The following LYPD6 variants were observed in gnomAD, a reference collection of about 807,000 sequenced individuals.
The protein encoded by LYPD6 is ly6/PLAUR domain-containing protein 6.
LYPD6 carries 15 observed loss-of-function variants against 22.7 expected under a neutral mutation model. The ratio of observed to expected loss-of-function variants is 0.66; its 90% CI spans 0.44 to 1.02. The LOEUF (loss-of-function observed/expected upper bound fraction) is 1.02, where lower values mean the gene tolerates loss of function less well. Among genes scored for constraint, LYPD6 ranks in the 50% least tolerant of loss-of-function variants. The probability of loss-of-function intolerance (pLI) is 0.00; values close to 1 mark genes in which losing one functional copy is unlikely to be tolerated. For missense variants in LYPD6, 189 were observed against 208.4 expected (o/e 0.91, Z 0.57); for synonymous variants, 72 against 77.5 (o/e 0.93, Z 0.37).
rs562399352 is a variant in LYPD6 at position 149,432,344 on chromosome 2, C to T, written c.-71-5294C>T. On this transcript the variant is annotated intron_variant, in intron 1 of 4. Transcript: ENST00000334166. ...CACAATAGCCAAAAAGTGAAAATCACCCAATGTCTATCATCTGATAATGGA... is the reference window on the plus strand; with the variant it reads ...CACAATAGCCAAAAAGTGAAAATCATCCAATGTCTATCATCTGATAATGGA... Among the ~76,000 whole-genome samples, 3 of 152,286 alleles carry T rather than the reference C, an allele frequency of 2.0e-5. No individual in the cohort carries two copies. The East Asian group carries it at 5.8e-4, about 29-fold the overall frequency.
intron 1 of LYPD6, among the ~76,000 whole-genome samples, chr2:149,435,729 A>C (rs1683416323): frequency 6.6e-6 from 1 of 152,214 alleles, no homozygotes; most frequent in Non-Finnish European, 1.5e-5. Context: ...TTATTAAGTG[A>C]TTGAGTGGCC....
intron 1 of LYPD6, among the ~76,000 whole-genome samples, chr2:149,436,639 GCA>G (rs1372062559): frequency 6.6e-6 from 1 of 152,122 alleles, no homozygotes; most frequent in Non-Finnish European, 1.5e-5. Flanking sequence ...GAGTGCAATG[GCA>G]CAAAGTCAGC....
At chr2:149,449,461 A>C (rs564047830) in intron 3 of LYPD6, among the ~76,000 whole-genome samples, 3 of 152,348 alleles carry the variant, frequency 2.0e-5, no homozygotes, top group Admixed American at 2.0e-4. Context: ...CTGAGGCATT[A>C]GTCAGTGCAT....
At chr2:149,438,415 C>T (rs1196648) in intron 2 of LYPD6, among the ~76,000 whole-genome samples, 131,707 of 152,272 alleles carry the variant, frequency 0.86, 57,009 homozygotes, top group East Asian at 1. Context: ...CTGCTGCAGA[C>T]ATTCTAAGGA....
intron 3 of LYPD6, among the ~76,000 whole-genome samples, chr2:149,462,641 A>G (rs1007029426): frequency 5.9e-5 from 9 of 151,978 alleles, no homozygotes; most frequent in Non-Finnish European, 1.0e-4. Flanking sequence ...AGTAGAAGGA[A>G]TCAAACTACC....
At chr2:149,410,880 G>A (rs1682835896) in intron 1 of LYPD6, among the ~76,000 whole-genome samples, 1 of 152,192 alleles carries the variant, frequency 6.6e-6, no homozygotes, top group Admixed American at 6.5e-5. Flanking sequence ...AGTTCCATCT[G>A]TGTTTTCTAT....
chr2:149,404,481 TTC>T (rs1296887266), intron 1 of LYPD6, among the ~76,000 whole-genome samples: 1 of 152,222 alleles, frequency 6.6e-6, no homozygotes, highest in East Asian at 1.9e-4. Context: ...AGGTATTGTA[TTC>T]TCTTTGAAGC....
At chr2:149,342,872 ATTC>A (rs1366004822) in intron 1 of LYPD6, among the ~76,000 whole-genome samples, 7 of 152,214 alleles carry the variant, frequency 4.6e-5, no homozygotes, top group Non-Finnish European at 1.0e-4. Flanking sequence ...CAATGTTGTT[ATTC>A]TTTGGTAAGG....
intron 1 of LYPD6, among the ~76,000 whole-genome samples, chr2:149,347,741 C>T (rs1482255709): frequency 6.6e-6 from 1 of 152,064 alleles, no homozygotes; most frequent in Non-Finnish European, 1.5e-5. Flanking sequence ...AGATTATGAG[C>T]TTAAGTTTAA....
intron 1 of LYPD6, among the ~76,000 whole-genome samples, chr2:149,434,286 G>A (rs542738681): frequency 2.0e-5 from 3 of 152,224 alleles, no homozygotes; most frequent in East Asian, 1.9e-4. Context: ...TTGAAGTGAT[G>A]CCACATAGTT....
intron 1 of LYPD6, among the ~76,000 whole-genome samples, chr2:149,430,414 T>C (rs931990396): frequency 6.6e-6 from 1 of 152,144 alleles, no homozygotes; most frequent in Non-Finnish European, 1.5e-5. Context: ...GACAAGTTTT[T>C]AAAGCAGGGC....
At chr2:149,374,808 A>G (rs1254263110) in intron 1 of LYPD6, among the ~76,000 whole-genome samples, 4 of 152,234 alleles carry the variant, frequency 2.6e-5, no homozygotes, top group African/African-American at 9.6e-5. Context: ...ATTTTACAGC[A>G]TAGTCATATT....
At chr2:149,452,000 C>T (rs76096143) in intron 3 of LYPD6, among the ~76,000 whole-genome samples, 223 of 152,298 alleles carry the variant, frequency 1.5e-3, no homozygotes, top group Admixed American at 3.2e-3. Flanking sequence ...CTACTGGGGA[C>T]TGAGGTAGCC....
At chr2:149,399,647 A>G (rs1407763145) in intron 1 of LYPD6, among the ~76,000 whole-genome samples, 1 of 151,258 alleles carries the variant, frequency 6.6e-6, no homozygotes, top group Non-Finnish European at 1.5e-5. Flanking sequence ...ATATAAAAAT[A>G]TAAAAATAAA....
At chr2:149,467,902 A>G (rs1362743251) in intron 3 of LYPD6, among the ~76,000 whole-genome samples, 1 of 152,096 alleles carries the variant, frequency 6.6e-6, no homozygotes. Flanking sequence ...AGAGATCTCA[A>G]GCTTTCAGAT....
intron 1 of LYPD6, among the ~76,000 whole-genome samples, chr2:149,416,872 A>G (rs1034221270): frequency 6.6e-6 from 1 of 152,214 alleles, no homozygotes. Flanking sequence ...GTGTTCTGTG[A>G]GGCCTGCTGC....
At chr2:149,341,253 CA>C (rs1438543777) in intron 1 of LYPD6, among the ~76,000 whole-genome samples, 3 of 152,086 alleles carry the variant, frequency 2.0e-5, no homozygotes, top group African/African-American at 7.2e-5. Flanking sequence ...TGTCCTTGGT[CA>C]GGGGTGTCCT....
At position 149,473,469 on chromosome 2, in the gene LYPD6, T is replaced by C. The variant is rs1202039269; in HGVS notation, c.*2619T>C. 6.6e-6 allele frequency: 1 copy of C among 152,670 alleles called. No individual in the cohort carries two copies. The highest frequency in any genetic ancestry group is 1.5e-5 in the Non-Finnish European group (1 of 68,040). The allele number at this position is 152,670 out of a possible 1,614,324, so 9.5% of individuals were successfully genotyped here. A position where few individuals can be genotyped will look rare whatever the true frequency, so the allele number is the denominator to read the frequency against. ...CTCCATTACATCTCAATATTGGTAA[T>C]GGCTTAAGTGTAAAGAGCCATGATG... On this transcript the variant is annotated 3_prime_UTR_variant, in exon 5 of 5. Coordinates refer to ENST00000334166, the MANE Select transcript of LYPD6 (RefSeq NM_194317.5).
At chr2:149,443,896 G>T (rs190917594) in intron 2 of LYPD6, among the ~76,000 whole-genome samples, 4 of 150,306 alleles carry the variant, frequency 2.7e-5, no homozygotes, top group Middle Eastern at 7.0e-3. Flanking sequence ...ATTAAGTGTG[G>T]AATAGCATTA....
Sources: allele counts gnomAD v4.1 joint callset (sites outside exome capture counted in the v4.1 genomes callset), GRCh38; gene constraint gnomAD v4.1.1; transcripts MANE v1.5; gene names NCBI Gene and HGNC (gene_info 2026-07-23, HGNC 2026-07-21).